The following PPM1E variants were observed in gnomAD, a reference collection of about 807,000 sequenced individuals.
PPM1E encodes the protein protein phosphatase, Mg2+/Mn2+ dependent 1E.
Under a neutral mutation model 65.9 loss-of-function variants are expected in PPM1E, and 20 were observed. The observed-to-expected ratio is 0.30, with a 90% CI of 0.21 to 0.44. The LOEUF (loss-of-function observed/expected upper bound fraction) is 0.44. Among genes scored for constraint, PPM1E ranks in the 20% least tolerant of loss-of-function variants. The pLI is 1.00. For missense variants in PPM1E, 713 were observed against 953.1 expected (o/e 0.75, Z 3.32); for synonymous variants, 352 against 374.9 (o/e 0.94, Z 0.70).
intron 1 of PPM1E, among the ~76,000 whole-genome samples, chr17:58,835,040 G>A (rs2050641032): frequency 6.6e-6 from 1 of 152,000 alleles, no homozygotes; most frequent in South Asian, 2.1e-4. Context: ...AGTTATTTAG[G>A]TCATTAAAAC....
At chr17:58,816,783 TATATATATATA>T (rs1187874364) in intron 1 of PPM1E, among the ~76,000 whole-genome samples, 158 of 12,010 alleles carry the variant, frequency 0.013, 1 homozygote, top group Non-Finnish European at 0.016. Flanking sequence ...TATATATATA[TATATATATATA>T]TTTTTTTTTT....
In PPM1E at chr17:58,984,196, T is replaced by C. The variant is rs916741785; in HGVS notation, c.*3165T>C. 2 of 152,682 alleles carry C rather than the reference T, an allele frequency of 1.3e-5. No individual in the cohort carries two copies. The highest frequency in any genetic ancestry group is 2.9e-5 in the Non-Finnish European group (2 of 68,044). The allele number at this position is 152,682 out of a possible 1,614,324, so 9.5% of individuals were successfully genotyped here. A position where few individuals can be genotyped will look rare whatever the true frequency, so the allele number is the denominator to read the frequency against. ...AAAGTAACACCTTTTCCAAGGACAA[T>C]GGCAACAATGTCAATGTCAACACTG... On this transcript the variant is annotated 3_prime_UTR_variant, in exon 7 of 7. Transcript: ENST00000308249.
intron 1 of PPM1E, among the ~76,000 whole-genome samples, 199 bp downstream of exon 1, chr17:58,756,660 GCCCGCCTCGGCCC>G (rs2144119491): frequency 6.6e-6 from 1 of 151,054 alleles, no homozygotes; most frequent in Non-Finnish European, 1.5e-5. Flanking sequence ...CGGCCCCCAC[GCCCGCCTCGGCCC>G]CCACGCCTCC....
intron 1 of PPM1E, among the ~76,000 whole-genome samples, chr17:58,937,892 A>AAAAAAAAAAAAAAAAG (rs57965915): frequency 5.4e-5 from 7 of 129,774 alleles, no homozygotes; most frequent in African/African-American, 9.1e-5. Flanking sequence ...AAAAAAAAAA[A>AAAAAAAAAAAAAAAAG]AAAGAAAGAA....
At chr17:58,841,032 A>G (rs2050712608) in intron 1 of PPM1E, among the ~76,000 whole-genome samples, 2 of 152,142 alleles carry the variant, frequency 1.3e-5, no homozygotes, top group Non-Finnish European at 2.9e-5. Context: ...TATTGTGCAA[A>G]CGGGATGTTT....
Position 58,981,292 on chromosome 17 carries a change from A to C in PPM1E, c.*261A>C. The C allele has an allele frequency of 5.3e-6, 2 of 377,474 alleles. No homozygotes were observed. Among genetic ancestry groups the C allele is most frequent in the East Asian group, 4.7e-5 (1 of 21,108 alleles). 23.4% of individuals were successfully genotyped at this position (377,474 alleles called of 1,614,324 possible). A position where few individuals can be genotyped will look rare whatever the true frequency, so the allele number is the denominator to read the frequency against. The stretch of plus-strand genomic sequence containing the variant: ...ACCAATACACAACCCCCTTCCCACC[A>C]TCCTTCATGTCACTAGATACACAAC... On this transcript the variant is annotated 3_prime_UTR_variant, in exon 7 of 7. Transcript: ENST00000308249.
intron 1 of PPM1E, among the ~76,000 whole-genome samples, chr17:58,856,851 G>T (rs949073424): frequency 7.2e-5 from 11 of 152,092 alleles, no homozygotes; most frequent in African/African-American, 2.7e-4. Flanking sequence ...CCCAGTCTGT[G>T]GTACTTTGTT....
intron 1 of PPM1E, among the ~76,000 whole-genome samples, chr17:58,850,743 C>T (rs968849750): frequency 2.6e-5 from 4 of 152,138 alleles, no homozygotes; most frequent in African/African-American, 9.7e-5. Context: ...GTGAATCTGA[C>T]AATTATGTGT....
At chr17:58,820,451 A>G (rs1442736831) in intron 1 of PPM1E, among the ~76,000 whole-genome samples, 1 of 152,200 alleles carries the variant, frequency 6.6e-6, no homozygotes. Context: ...ATAATAATAC[A>G]TGTGATGTGC....
chr17:58,933,772 G>C (rs1012242729), intron 1 of PPM1E, among the ~76,000 whole-genome samples: 2 of 148,528 alleles, frequency 1.3e-5, no homozygotes, highest in Non-Finnish European at 3.0e-5. Flanking sequence ...CTCCAGCCTG[G>C]AAGACGAGTG....
At chr17:58,939,736 T>C (rs1258721365) in intron 1 of PPM1E, among the ~76,000 whole-genome samples, 2 of 152,184 alleles carry the variant, frequency 1.3e-5, no homozygotes, top group Non-Finnish European at 2.9e-5. Context: ...TATTTCCGTC[T>C]ATGAATATAT....
chr17:58,884,421 C>T (rs977305106), intron 1 of PPM1E, among the ~76,000 whole-genome samples: 1 of 152,138 alleles, frequency 6.6e-6, no homozygotes, highest in Non-Finnish European at 1.5e-5. Flanking sequence ...AGTCAGTTAC[C>T]ACTCTGTCAT....
Position 58,983,394 on chromosome 17 carries a change from T to C in PPM1E, c.*2363T>C, listed in dbSNP as rs1386610139. On this transcript the variant is annotated 3_prime_UTR_variant, in exon 7 of 7. Transcript: ENST00000308249. ...TAGTGGTTATTGGTCTGATATATGCTGCTCTTGGTTCTATAAACTAGATAA... is the reference window on the plus strand; with the variant it reads ...TAGTGGTTATTGGTCTGATATATGCCGCTCTTGGTTCTATAAACTAGATAA... 1 of 153,554 alleles carries C rather than the reference T, an allele frequency of 6.5e-6. No individual in the cohort carries two copies. The highest frequency in any genetic ancestry group is 2.4e-5 in the African/African-American group (1 of 41,478). 9.5% of individuals were successfully genotyped at this position (153,554 alleles called of 1,614,324 possible).
At chr17:58,939,322 G>C (rs1468304437) in intron 1 of PPM1E, among the ~76,000 whole-genome samples, 2 of 152,156 alleles carry the variant, frequency 1.3e-5, no homozygotes, top group African/African-American at 4.8e-5. Flanking sequence ...TAAATATTTG[G>C]AGGATAAAGA....
intron 1 of PPM1E, among the ~76,000 whole-genome samples, chr17:58,862,851 C>T (rs1316392169): frequency 4.6e-5 from 7 of 152,156 alleles, no homozygotes; most frequent in African/African-American, 1.7e-4. Context: ...CCTACCATAG[C>T]CCAGTCTTGG....
At chr17:58,767,185 A>G (rs1567827424) in intron 1 of PPM1E, among the ~76,000 whole-genome samples, 3 of 152,118 alleles carry the variant, frequency 2.0e-5, no homozygotes, top group Admixed American at 1.3e-4. Flanking sequence ...GCTGCTGTGT[A>G]CTATATTCAG....
rs2143853860 is a variant in PPM1E at position 58,983,056 on chromosome 17, G to A, written c.*2025G>A. ...GTAATGTTTTTGATCAGAATAAAGA[G>A]GGTAAAGGGAAAAAGTTACTACACA... On this transcript the variant is annotated 3_prime_UTR_variant, in exon 7 of 7. Coordinates refer to ENST00000308249, the MANE Select transcript of PPM1E (RefSeq NM_014906.5). 1.2e-6 allele frequency: 1 copy of A among 802,184 alleles called. No homozygotes were observed. The highest frequency in any genetic ancestry group is 1.9e-5 in the South Asian group (1 of 52,130). 49.7% of individuals were successfully genotyped at this position (802,184 alleles called of 1,614,324 possible).
chr17:58,768,457 C>A (rs910825655), intron 1 of PPM1E, among the ~76,000 whole-genome samples: 1 of 152,108 alleles, frequency 6.6e-6, no homozygotes, highest in African/African-American at 2.4e-5. Flanking sequence ...CAAAGAGCAT[C>A]CGCTTCCCTG....
At chr17:58,766,453 G>A (rs1211095534) in intron 1 of PPM1E, among the ~76,000 whole-genome samples, 1 of 151,810 alleles carries the variant, frequency 6.6e-6, no homozygotes, top group Non-Finnish European at 1.5e-5. Flanking sequence ...GTCCGCCTCA[G>A]CCTCCCAAAG....
Sources: allele counts gnomAD v4.1 joint callset (sites outside exome capture counted in the v4.1 genomes callset), GRCh38; gene constraint gnomAD v4.1.1; transcripts MANE v1.5; gene names NCBI Gene and HGNC (gene_info 2026-07-23, HGNC 2026-07-21).